GPC5: variants seen among roughly 807,000 people sequenced by gnomAD.
GPC5 encodes the protein glypican 5.
Under a neutral mutation model 53.9 loss-of-function variants are expected in GPC5, and 47 were observed. The ratio of observed to expected loss-of-function variants is 0.87; its 90% CI spans 0.69 to 1.11. The LOEUF (loss-of-function observed/expected upper bound fraction) is 1.11. Among genes scored for constraint, GPC5 ranks in the 50% most tolerant of loss-of-function variants. The probability of loss-of-function intolerance (pLI) is 0.00; values close to 1 mark genes in which losing one functional copy is unlikely to be tolerated. For synonymous variants in GPC5, 286 were observed against 263.3 expected, an observed-to-expected ratio of 1.09 and a Z score of -0.84; for missense variants, 748 against 713.1, an observed-to-expected ratio of 1.05 and a Z score of -0.56.
intron 2 of GPC5, among the ~76,000 whole-genome samples, chr13:91,611,699 C>T (rs1594329483): frequency 6.6e-6 from 1 of 152,148 alleles, no homozygotes; most frequent in Non-Finnish European, 1.5e-5. Context: ...GCTAATTCCC[C>T]AAGAATTGTT....
intron 3 of GPC5, chr13:91,725,132 G>T (rs1713368358): frequency 6.6e-6 from 1 of 152,218 alleles, no homozygotes; most frequent in Non-Finnish European, 1.5e-5. Flanking sequence ...TGGTGGAAGT[G>T]ATATGGGCTA....
intron 6 of GPC5, among the ~76,000 whole-genome samples, chr13:92,093,333 A>G (rs1353650927): frequency 3.3e-5 from 5 of 152,114 alleles, no homozygotes; most frequent in African/African-American, 2.4e-5. Context: ...ATTTTTAAGT[A>G]TATTTTTCTT....
At chr13:92,247,948 C>T (rs1426000750) in intron 7 of GPC5, among the ~76,000 whole-genome samples, 1 of 151,950 alleles carries the variant, frequency 6.6e-6, no homozygotes, top group Admixed American at 6.6e-5. Context: ...ATATATAAGA[C>T]TACTCTTAAC....
chr13:91,430,814 C>G (rs926720749), intron 1 of GPC5, among the ~76,000 whole-genome samples: 4 of 152,052 alleles, frequency 2.6e-5, no homozygotes, highest in Non-Finnish European at 4.4e-5. Context: ...CATTAATGTG[C>G]GTGTTAAACA....
Position 91,728,580 on chromosome 13 carries a change from C to CG in GPC5, c.1070dup (p.Cys358LeufsTer4). 6.2e-7 allele frequency: 1 copy of CG among 1,612,688 alleles called. No homozygotes were observed. The highest frequency in any genetic ancestry group is 8.5e-7 in the Non-Finnish European group (1 of 1,179,062). ...TGTAAGAACACCCACACAAAGCCCC[C>CG]GTTGTTCTTTTGATCAGAGCAAAGA... is the stretch of plus-strand genomic sequence containing the variant. On this transcript the variant is annotated frameshift_variant, in exon 4 of 8. Coordinates refer to ENST00000377067, the MANE Select transcript of GPC5 (RefSeq NM_004466.6). LOFTEE classifies it high-confidence loss of function.
intron 7 of GPC5, among the ~76,000 whole-genome samples, chr13:92,255,821 C>T (rs1217767646): frequency 6.6e-6 from 1 of 151,966 alleles, no homozygotes; most frequent in Non-Finnish European, 1.5e-5. Context: ...CATTTTTTAT[C>T]TCTTTGTTTA....
At chr13:92,196,140 G>GA (rs35109848) in intron 7 of GPC5, among the ~76,000 whole-genome samples, 31,817 of 151,504 alleles carry the variant, frequency 0.21, 4,125 homozygotes, top group East Asian at 0.65. Flanking sequence ...TATTTATTGG[G>GA]AAAAAAGATG....
intron 7 of GPC5, among the ~76,000 whole-genome samples, chr13:92,305,576 A>G (rs994395520): frequency 1.6e-4 from 24 of 152,302 alleles, no homozygotes; most frequent in African/African-American, 5.5e-4. Context: ...CTGAATTTCA[A>G]CTTGAAGAAC....
At chr13:91,530,182 C>T (rs972719520) in intron 2 of GPC5, among the ~76,000 whole-genome samples, 1 of 152,190 alleles carries the variant, frequency 6.6e-6, no homozygotes, top group African/African-American at 2.4e-5. Flanking sequence ...TCTTATGTAA[C>T]AAATGTGACA....
At chr13:91,661,282 C>A (rs1003473412) in intron 2 of GPC5, among the ~76,000 whole-genome samples, 1 of 152,178 alleles carries the variant, frequency 6.6e-6, no homozygotes, top group African/African-American at 2.4e-5. Flanking sequence ...ACTATTTGAG[C>A]AGAATATCTG....
At chr13:92,651,939 T>C (rs1885972391) in intron 7 of GPC5, among the ~76,000 whole-genome samples, 1 of 150,720 alleles carries the variant, frequency 6.6e-6, no homozygotes, top group Non-Finnish European at 1.5e-5. Context: ...ACGTCAAGGA[T>C]ACATTATGTA....
chr13:92,663,576 AATATATATATATATATATCTACT>A (rs1207398769), intron 7 of GPC5, among the ~76,000 whole-genome samples: 5 of 134,330 alleles, frequency 3.7e-5, no homozygotes, highest in Non-Finnish European at 4.7e-5. Context: ...GTTTCTACTA[AATATATATATATATATATCTACT>A]ATATATATAT....
chr13:92,558,866 T>G (rs1160197706), intron 7 of GPC5, among the ~76,000 whole-genome samples: 5 of 151,956 alleles, frequency 3.3e-5, no homozygotes, highest in Non-Finnish European at 5.9e-5. Context: ...CCCCGAAGTG[T>G]CTTAGAGCTC....
chr13:91,848,397 A>G (rs2038875711), intron 5 of GPC5, among the ~76,000 whole-genome samples: 1 of 152,232 alleles, frequency 6.6e-6, no homozygotes. Flanking sequence ...AGTCGGCTTA[A>G]TCCTGTCCAC....
intron 7 of GPC5, among the ~76,000 whole-genome samples, chr13:92,557,993 T>C (rs546400194): frequency 6.6e-6 from 1 of 151,998 alleles, no homozygotes; most frequent in South Asian, 2.1e-4. Flanking sequence ...AAAAAGGAAA[T>C]GATAAATATA....
intron 7 of GPC5, among the ~76,000 whole-genome samples, chr13:92,527,230 A>G (rs1419195064): frequency 5.0e-5 from 2 of 40,004 alleles, no homozygotes; most frequent in Non-Finnish European, 8.3e-5. Flanking sequence ...AGAAAGAAAG[A>G]AAGAAAGAAA....
chr13:91,804,338 T>C (rs1280619172), intron 5 of GPC5, among the ~76,000 whole-genome samples: 3 of 152,216 alleles, frequency 2.0e-5, no homozygotes, highest in African/African-American at 7.2e-5. Context: ...AGTATAGCTA[T>C]AGCTCTCGTC....
intron 2 of GPC5, among the ~76,000 whole-genome samples, chr13:91,518,424 C>T (rs183033805): frequency 2.4e-4 from 37 of 152,056 alleles, no homozygotes; most frequent in Admixed American, 4.6e-4. Flanking sequence ...CATGACAATT[C>T]GTATTTAAAT....
intron 7 of GPC5, among the ~76,000 whole-genome samples, chr13:92,851,717 T>C (rs1328332362): frequency 7.3e-6 from 1 of 137,100 alleles, no homozygotes. Context: ...CCATCTCTAC[T>C]AAAAATGAAA....
Sources: gnomAD v4.1 joint callset for allele counts (sites outside exome capture counted in the v4.1 genomes callset) on GRCh38, gnomAD v4.1.1 for gene constraint, MANE v1.5 for transcripts, NCBI Gene and HGNC (gene_info 2026-07-23, HGNC 2026-07-21) for gene names.